The following ENTREP2 variants were observed in gnomAD, a reference collection of about 807,000 sequenced individuals.
ENTREP2 encodes the protein endosomal transmembrane epsin interactor 2.
chr15:29,619,157 C>A, the ENTREP2 span, among the ~76,000 whole-genome samples: 1 of 152,196 alleles, frequency 6.6e-6, no homozygotes, highest in South Asian at 2.1e-4. Context: ...CTTTGGAAGG[C>A]CAAGACAGGT....
chr15:29,374,401 T>G, the ENTREP2 span: 1 of 152,166 alleles, frequency 6.6e-6, no homozygotes, highest in Non-Finnish European at 1.5e-5. Flanking sequence ...AGCTTTACAG[T>G]ATACAACTTT....
chr15:29,669,495 A>G, the ENTREP2 span, among the ~76,000 whole-genome samples: 5 of 152,220 alleles, frequency 3.3e-5, no homozygotes, highest in African/African-American at 1.2e-4. Flanking sequence ...CCCAGCCTCC[A>G]GAAGTGTAAG....
the ENTREP2 span, among the ~76,000 whole-genome samples, chr15:29,157,420 C>T: frequency 2.0e-4 from 30 of 152,324 alleles, no homozygotes; most frequent in Middle Eastern, 3.4e-3. Flanking sequence ...AATTACCATT[C>T]TCACCTCAAA....
chr15:29,129,214 C>T, the ENTREP2 span, among the ~76,000 whole-genome samples: 1 of 151,756 alleles, frequency 6.6e-6, no homozygotes, highest in South Asian at 2.1e-4. Context: ...CAGGTGTCCA[C>T]CACCGTGCCC....
chr15:29,348,206 C>G, the ENTREP2 span, among the ~76,000 whole-genome samples: 11 of 152,226 alleles, frequency 7.2e-5, no homozygotes, highest in East Asian at 2.1e-3. Context: ...GCACTGTTCT[C>G]AGTTTGGGCA....
the ENTREP2 span, among the ~76,000 whole-genome samples, chr15:29,497,581 G>A: frequency 6.6e-6 from 1 of 152,092 alleles, no homozygotes; most frequent in Non-Finnish European, 1.5e-5. Context: ...TGGCATATAA[G>A]TGTTTGTAGT....
the ENTREP2 span, among the ~76,000 whole-genome samples, chr15:29,458,464 T>G: frequency 2.0e-5 from 3 of 152,182 alleles, no homozygotes; most frequent in Middle Eastern, 3.4e-3. Flanking sequence ...ACGGGCACGG[T>G]AGAGAAGGAA....
At chr15:29,287,355 T>A in the ENTREP2 span, among the ~76,000 whole-genome samples, 2 of 110,994 alleles carry the variant, frequency 1.8e-5, no homozygotes, top group Non-Finnish European at 3.5e-5. Context: ...TACACTGCAA[T>A]CACAGAAGAA....
the ENTREP2 span, among the ~76,000 whole-genome samples, chr15:29,161,342 C>T: frequency 2.6e-5 from 4 of 152,186 alleles, no homozygotes; most frequent in South Asian, 2.1e-4. Flanking sequence ...TGCAGGCATC[C>T]GTGGTGGGCC....
the ENTREP2 span, among the ~76,000 whole-genome samples, chr15:29,459,484 G>T: frequency 6.6e-6 from 1 of 152,160 alleles, no homozygotes; most frequent in African/African-American, 2.4e-5. Flanking sequence ...ACTGTAAGAG[G>T]TCCTCAATTC....
the ENTREP2 span, among the ~76,000 whole-genome samples, chr15:29,600,446 C>CATCATA: frequency 3.0e-5 from 4 of 135,192 alleles, no homozygotes; most frequent in African/African-American, 1.3e-4. Context: ...CCACCATCAT[C>CATCATA]ATCATCATCA....
the ENTREP2 span, among the ~76,000 whole-genome samples, chr15:29,379,381 G>A: frequency 2.2e-4 from 34 of 152,260 alleles, no homozygotes; most frequent in African/African-American, 6.7e-4. Flanking sequence ...GGTTGCTCCA[G>A]CAATTAGTGT....
chr15:29,179,420 C>G, the ENTREP2 span, among the ~76,000 whole-genome samples: 4 of 152,160 alleles, frequency 2.6e-5, no homozygotes, highest in African/African-American at 9.7e-5. Context: ...GAGGAAAGAG[C>G]CATTCCATGG....
the ENTREP2 span, among the ~76,000 whole-genome samples, chr15:29,418,573 T>C: frequency 6.6e-6 from 1 of 152,166 alleles, no homozygotes; most frequent in Admixed American, 6.5e-5. Flanking sequence ...TAAAAGGCAG[T>C]TCGTGGTTGC....
the ENTREP2 span, among the ~76,000 whole-genome samples, chr15:29,574,249 A>T: frequency 6.6e-6 from 1 of 152,166 alleles, no homozygotes; most frequent in East Asian, 1.9e-4. Flanking sequence ...TCCCTGGATC[A>T]GATGGGACTA....
chr15:29,319,145 G>A, the ENTREP2 span, among the ~76,000 whole-genome samples: 4 of 152,184 alleles, frequency 2.6e-5, no homozygotes, highest in Non-Finnish European at 4.4e-5. Context: ...CAACCGCCAT[G>A]GGTACTGAAG....
the ENTREP2 span, among the ~76,000 whole-genome samples, chr15:29,334,119 C>CT: frequency 6.6e-6 from 1 of 152,146 alleles, no homozygotes; most frequent in Non-Finnish European, 1.5e-5. Context: ...CTTAAGCCAC[C>CT]TTGTCTATCG....
chr15:29,367,791 A>G, the ENTREP2 span, among the ~76,000 whole-genome samples: 1 of 152,172 alleles, frequency 6.6e-6, no homozygotes, highest in Non-Finnish European at 1.5e-5. Context: ...GGTAACTCCT[A>G]AACTAACTTG....
chr15:29,128,458 A>C, the ENTREP2 span, among the ~76,000 whole-genome samples: 1 of 152,102 alleles, frequency 6.6e-6, no homozygotes, highest in Non-Finnish European at 1.5e-5. Flanking sequence ...TTGGCTCTGG[A>C]AAGGGGACCC....
Sources: gnomAD v4.1 joint callset for allele counts (sites outside exome capture counted in the v4.1 genomes callset) on GRCh38, gnomAD v4.1.1 for gene constraint, MANE v1.5 for transcripts, NCBI Gene and HGNC (gene_info 2026-07-23, HGNC 2026-07-21) for gene names.